SPOCK3: variants seen among roughly 807,000 people sequenced by gnomAD.
SPOCK3 encodes testican-3.
Under a neutral mutation model 56.6 loss-of-function variants are expected in SPOCK3, and 30 were observed. The observed-to-expected ratio is 0.53, with a 90% confidence interval of 0.40 to 0.72. The LOEUF (loss-of-function observed/expected upper bound fraction) is 0.72. SPOCK3 is among the 30% of genes least tolerant of loss of function. The pLI is 0.00. For missense variants in SPOCK3, 527 were observed against 530.0 expected, an observed-to-expected ratio of 0.99 and a Z score of 0.06; for synonymous variants, 196 against 183.3, an observed-to-expected ratio of 1.07 and a Z score of -0.56.
chr4:167,187,270 GTT>G (rs5863863), intron 2 of SPOCK3, among the ~76,000 whole-genome samples: 1 of 139,022 alleles, frequency 7.2e-6, no homozygotes, highest in African/African-American at 2.6e-5. Context: ...TAGGGTTCCA[GTT>G]TTTTTTTTTT....
chr4:166,753,401 G>A (rs1736672034), intron 8 of SPOCK3, among the ~76,000 whole-genome samples: 1 of 151,974 alleles, frequency 6.6e-6, no homozygotes, highest in African/African-American at 2.4e-5. Context: ...ATGTGTGTTT[G>A]TGTGTGTAAT....
chr4:166,774,369 G>C (rs1033901808), intron 7 of SPOCK3, among the ~76,000 whole-genome samples: 5 of 152,092 alleles, frequency 3.3e-5, no homozygotes, highest in Non-Finnish European at 2.9e-5. Context: ...CATACCCCTA[G>C]ATACCTTTTT....
chr4:167,089,068 G>A (rs1394861713), intron 2 of SPOCK3, among the ~76,000 whole-genome samples: 1 of 151,994 alleles, frequency 6.6e-6, no homozygotes, highest in Non-Finnish European at 1.5e-5. Flanking sequence ...GTTATGAGGT[G>A]CTGGTATTCT....
rs957326386 is a variant in SPOCK3, at chr4:166,869,592, T to A, written c.589+19538A>T. On this transcript the variant is annotated intron_variant, in intron 6 of 10. Coordinates refer to ENST00000357545, the MANE Select transcript of SPOCK3 (RefSeq NM_001040159.2). ...TATACACCAGTACATTATGTAATTA[T>A]AACCAATAGAATTCTGTGTGTGTGT... Among the ~76,000 whole-genome samples the A allele has an allele frequency of 2.7e-5, 4 of 150,660 alleles. No individual in the cohort carries two copies. In the East Asian group the frequency reaches 5.9e-4, roughly 22 times the overall value.
intron 7 of SPOCK3, among the ~76,000 whole-genome samples, chr4:166,765,336 T>A (rs541010293): frequency 1.3e-5 from 2 of 152,236 alleles, no homozygotes; most frequent in Non-Finnish European, 2.9e-5. Flanking sequence ...CATTTAAGTC[T>A]TTAATCCATC....
rs1035784686 is a variant in SPOCK3, at chr4:166,752,999, A to G, written c.931+1509T>C. Among the ~76,000 whole-genome samples the G allele has an allele frequency of 2.6e-5, 4 of 151,978 alleles. No homozygotes were observed. In the East Asian group the frequency reaches 7.7e-4, roughly 29 times the overall value. ...AATTAACACTTTGGGAGAATGCTAC[A>G]ATTTAAATGAAACATAGATAACATA... is the stretch of plus-strand genomic sequence containing the variant. On this transcript the variant is annotated intron_variant, in intron 8 of 10. Transcript: ENST00000357545.
chr4:167,161,159 A>C (rs973380732), intron 2 of SPOCK3, among the ~76,000 whole-genome samples: 4 of 152,222 alleles, frequency 2.6e-5, no homozygotes, highest in Non-Finnish European at 5.9e-5. Context: ...CAAAGGGCTA[A>C]TATCCCGAAT....
intron 3 of SPOCK3, among the ~76,000 whole-genome samples, chr4:167,058,700 C>T (rs111815647): frequency 0.13 from 19,819 of 152,122 alleles, 1,543 homozygotes; most frequent in East Asian, 0.17. Context: ...CAAGTCAATC[C>T]TAAGCCAAAT....
chr4:166,987,137 T>C (rs772267945), intron 4 of SPOCK3, among the ~76,000 whole-genome samples: 1 of 152,170 alleles, frequency 6.6e-6, no homozygotes, highest in Non-Finnish European at 1.5e-5. Context: ...CAAAGCCCTA[T>C]AAGATATGAG....
chr4:167,197,152 C>A (rs903493961), intron 2 of SPOCK3, among the ~76,000 whole-genome samples: 1 of 152,084 alleles, frequency 6.6e-6, no homozygotes, highest in African/African-American at 2.4e-5. Context: ...ATTTACCCAA[C>A]CTTGAATTTC....
At chr4:167,159,830 A>G (rs1312506088) in intron 2 of SPOCK3, among the ~76,000 whole-genome samples, 1 of 152,190 alleles carries the variant, frequency 6.6e-6, no homozygotes, top group East Asian at 1.9e-4. Context: ...GCCTTCAATA[A>G]AATTCAACAT....
chr4:166,740,696 T>A (rs2126386425), intron 9 of SPOCK3, among the ~76,000 whole-genome samples: 1 of 152,102 alleles, frequency 6.6e-6, no homozygotes, highest in Admixed American at 6.6e-5. Context: ...AGGCTAATTT[T>A]TGTATTTTCA....
At chr4:167,114,461 C>T (rs542356139) in intron 2 of SPOCK3, among the ~76,000 whole-genome samples, 38 of 152,160 alleles carry the variant, frequency 2.5e-4, no homozygotes, top group South Asian at 6.2e-4. Context: ...ATTAAATATA[C>T]GAGCTCCCTC....
chr4:166,909,134 A>C (rs1736969027), intron 5 of SPOCK3, among the ~76,000 whole-genome samples: 1 of 152,074 alleles, frequency 6.6e-6, no homozygotes, highest in Non-Finnish European at 1.5e-5. Context: ...TTTTCAAGTA[A>C]GCCTATTTAT....
chr4:166,883,862 T>C (rs1733919898), intron 6 of SPOCK3, among the ~76,000 whole-genome samples: 1 of 152,154 alleles, frequency 6.6e-6, no homozygotes, highest in South Asian at 2.1e-4. Flanking sequence ...TGTCACAAAA[T>C]TATAACCGCT....
At chr4:166,945,693 G>A (rs1741641244) in intron 4 of SPOCK3, among the ~76,000 whole-genome samples, 1 of 152,148 alleles carries the variant, frequency 6.6e-6, no homozygotes, top group African/African-American at 2.4e-5. Context: ...GTTGGGCTCT[G>A]ATCCTCTGCA....
chr4:166,870,401 C>A (rs1732330238), intron 6 of SPOCK3, among the ~76,000 whole-genome samples: 1 of 151,976 alleles, frequency 6.6e-6, no homozygotes, highest in Non-Finnish European at 1.5e-5. Context: ...CCATCCCAAA[C>A]CCAAATTCTT....
chr4:167,189,831 C>T (rs866482318), intron 2 of SPOCK3, among the ~76,000 whole-genome samples: 10 of 145,572 alleles, frequency 6.9e-5, no homozygotes, highest in Admixed American at 3.5e-4. Context: ...TCTGCTTTTA[C>T]GAGTTCAACT....
chr4:166,765,567 C>T (rs553372714), intron 7 of SPOCK3, among the ~76,000 whole-genome samples: 24 of 152,132 alleles, frequency 1.6e-4, no homozygotes, highest in African/African-American at 5.1e-4. Context: ...GGTACCAGTA[C>T]CATGCTGTTT....
Sources: allele counts gnomAD v4.1 joint callset (sites outside exome capture counted in the v4.1 genomes callset), GRCh38; gene constraint gnomAD v4.1.1; transcripts MANE v1.5; gene names NCBI Gene and HGNC (gene_info 2026-07-23, HGNC 2026-07-21).